Variants in GRIP1 observed in about 807,000 individuals in gnomAD.
The protein encoded by GRIP1 is glutamate receptor-interacting protein 1.
Under a neutral mutation model 129.9 loss-of-function variants are expected in GRIP1, and 45 were observed. The observed-to-expected ratio is 0.35, with a 90% CI of 0.27 to 0.44. The LOEUF is 0.44. Among genes scored for constraint, GRIP1 ranks in the 20% least tolerant of loss-of-function variants. The pLI, the probability that GRIP1 is intolerant of heterozygous loss-of-function variation, is 1.00. For synonymous variants in GRIP1, 530 were observed against 520.8 expected (o/e 1.02, Z -0.24); for missense variants, 1,196 against 1,396.8 (o/e 0.86, Z 2.29).
At chr12:66,841,681 G>A (rs1592895079) in intron 1 of GRIP1, among the ~76,000 whole-genome samples, 2 of 152,266 alleles carry the variant, frequency 1.3e-5, no homozygotes, top group East Asian at 1.9e-4. Context: ...GAAATATAAA[G>A]GTGTGGCCAT....
At chr12:66,643,959 G>A (rs1020189591) in intron 1 of GRIP1, among the ~76,000 whole-genome samples, 3 of 152,142 alleles carry the variant, frequency 2.0e-5, no homozygotes, top group Non-Finnish European at 4.4e-5. Flanking sequence ...CAGAGACTGG[G>A]AAGAAAAAGA....
At chr12:66,507,569 T>C (rs2060568732) in intron 7 of GRIP1, among the ~76,000 whole-genome samples, 1 of 152,206 alleles carries the variant, frequency 6.6e-6, no homozygotes, top group Non-Finnish European at 1.5e-5. Context: ...GCAGTTGTGA[T>C]AATGCCAATA....
intron 22 of GRIP1, among the ~76,000 whole-genome samples, chr12:66,373,170 A>T (rs1171877710): frequency 1.3e-5 from 2 of 152,004 alleles, no homozygotes; most frequent in African/African-American, 4.8e-5. Context: ...GATCACTGCA[A>T]CCTCTGCCTT....
In GRIP1 at chr12:66,827,387, T is replaced by TGAGAGAGA. The variant is rs112366252; in HGVS notation, c.59-230468_59-230461dup. ...AGGTGTGTGTGTGTGTGTGTGTGTG[T>TGAGAGAGA]GAGAGAGAGAGAGAGAGAGAGAGAG... On this transcript the variant is annotated intron_variant, in intron 1 of 1. Transcript: ENST00000643019. Among the ~76,000 whole-genome samples, 461 of 108,254 alleles carry TGAGAGAGA rather than the reference T, an allele frequency of 4.3e-3. 2 individuals are homozygous for TGAGAGAGA. Among genetic ancestry groups the TGAGAGAGA allele is most frequent in the African/African-American group, 0.015 (411 of 27,868 alleles). 71.0% of individuals were successfully genotyped at this position (108,254 alleles called of 152,430 possible).
At chr12:66,752,433 C>T (rs575892066) in intron 1 of GRIP1, among the ~76,000 whole-genome samples, 36 of 152,258 alleles carry the variant, frequency 2.4e-4, no homozygotes, top group African/African-American at 8.4e-4. Flanking sequence ...TGATACAGAA[C>T]TGAATAGAGT....
intron 1 of GRIP1, among the ~76,000 whole-genome samples, chr12:66,749,594 C>A (rs6581715): frequency 0.31 from 47,719 of 152,108 alleles, 8,106 homozygotes; most frequent in East Asian, 0.45. Flanking sequence ...AGTAGTTAGA[C>A]TTCCTGTGGC....
chr12:66,493,117 C>T (rs2060148813), intron 7 of GRIP1, among the ~76,000 whole-genome samples: 1 of 152,190 alleles, frequency 6.6e-6, no homozygotes, highest in African/African-American at 2.4e-5. Context: ...AGTGCTTACA[C>T]ATACATCATG....
In GRIP1 at chr12:66,636,127, C is replaced by G. The variant is rs2031337902; in HGVS notation, c.56-39200G>C. Among the ~76,000 whole-genome samples the G allele has an allele frequency of 4.6e-5, 7 of 152,096 alleles. No homozygotes were observed. In the South Asian group the frequency reaches 1.4e-3, roughly 32 times the overall value. ...CATGCTATAACATAAACTTTGATGA[C>G]ATTATGCTAAGTGAAATAAGCAAGG... On this transcript the variant is annotated intron_variant, in intron 1 of 24. Transcript: ENST00000359742.
chr12:66,800,615 G>A (rs1221215936), intron 1 of GRIP1, among the ~76,000 whole-genome samples: 1 of 151,948 alleles, frequency 6.6e-6, no homozygotes. Context: ...TTTTATTTTT[G>A]TATGACACAT....
chr12:66,678,608 T>C (rs1592734621), intron 1 of GRIP1, among the ~76,000 whole-genome samples: 1 of 151,894 alleles, frequency 6.6e-6, no homozygotes, highest in African/African-American at 2.4e-5. Flanking sequence ...AAGAATGAAG[T>C]CATTAAAAAA....
chr12:66,613,735 G>A (rs1040118993), intron 1 of GRIP1, among the ~76,000 whole-genome samples: 3 of 152,120 alleles, frequency 2.0e-5, no homozygotes, highest in African/African-American at 7.2e-5. Flanking sequence ...TGGAGAGCTG[G>A]CCAGGGCAAA....
intron 1 of GRIP1, among the ~76,000 whole-genome samples, chr12:66,709,592 T>C (rs2035647675): frequency 6.6e-6 from 1 of 151,906 alleles, no homozygotes; most frequent in Non-Finnish European, 1.5e-5. Context: ...GGGGGTAGCC[T>C]ATGTATGTAA....
At chr12:66,412,783 T>A (rs1054619364) in intron 15 of GRIP1, among the ~76,000 whole-genome samples, 6 of 152,098 alleles carry the variant, frequency 3.9e-5, no homozygotes, top group Non-Finnish European at 7.3e-5. Flanking sequence ...AATAAAGTGA[T>A]GGAGTAAAAT....
chr12:66,679,300 C>G (rs952862217), upstream of GRIP1, among the ~76,000 whole-genome samples: 6 of 152,128 alleles, frequency 3.9e-5, no homozygotes, highest in Non-Finnish European at 7.4e-5. Context: ...CCAGTCAGTT[C>G]AGCCACCATC....
At chr12:66,502,509 AT>A (rs2060419545) in intron 7 of GRIP1, among the ~76,000 whole-genome samples, 1 of 152,130 alleles carries the variant, frequency 6.6e-6, no homozygotes, top group African/African-American at 2.4e-5. Flanking sequence ...TCATGTTGAA[AT>A]GTAATTCCCA....
At chr12:66,649,998 GA>G (rs1373382916) in intron 1 of GRIP1, among the ~76,000 whole-genome samples, 1 of 152,190 alleles carries the variant, frequency 6.6e-6, no homozygotes, top group Non-Finnish European at 1.5e-5. Context: ...GGCTCTAGGA[GA>G]ATGTGTCTAG....
At chr12:66,645,340 TAC>T (rs2032277244) in intron 1 of GRIP1, among the ~76,000 whole-genome samples, 1 of 152,234 alleles carries the variant, frequency 6.6e-6, no homozygotes, top group Non-Finnish European at 1.5e-5. Context: ...TGACCTCTAT[TAC>T]AGTGTTTTCT....
intron 11 of GRIP1, among the ~76,000 whole-genome samples, chr12:66,451,405 T>G (rs2058799818): frequency 8.6e-6 from 1 of 116,756 alleles, no homozygotes; most frequent in African/African-American, 3.5e-5. Context: ...TTTTTTTTTT[T>G]TTTTTTTTTT....
chr12:66,476,518 C>T (rs2059618392), intron 7 of GRIP1, among the ~76,000 whole-genome samples: 1 of 151,030 alleles, frequency 6.6e-6, no homozygotes. Flanking sequence ...TCATTTTATG[C>T]TCACTTTATG....
Sources: allele counts gnomAD v4.1 joint callset (sites outside exome capture counted in the v4.1 genomes callset), GRCh38; gene constraint gnomAD v4.1.1; transcripts MANE v1.5; gene names NCBI Gene and HGNC (gene_info 2026-07-23, HGNC 2026-07-21).